TNS3: variants seen among roughly 807,000 people sequenced by gnomAD.
TNS3 encodes the protein tensin-3.
Under a neutral mutation model 140.9 loss-of-function variants are expected in TNS3, and 45 were observed. That is an observed-to-expected ratio of 0.32 (90% CI 0.25 to 0.41). The LOEUF (loss-of-function observed/expected upper bound fraction) is 0.41. Among genes scored for constraint, TNS3 ranks in the 10% least tolerant of loss-of-function variants. The probability of loss-of-function intolerance (pLI) is 1.00; values close to 1 mark genes in which losing one functional copy is unlikely to be tolerated. For missense variants in TNS3, 1,716 were observed against 1,906.7 expected, an observed-to-expected ratio of 0.90 and a Z score of 1.86; for synonymous variants, 815 against 788.4, an observed-to-expected ratio of 1.03 and a Z score of -0.56.
chr7:47,402,323 G>A (rs78615712), intron 13 of TNS3, among the ~76,000 whole-genome samples: 25 of 152,336 alleles, frequency 1.6e-4, no homozygotes, highest in Middle Eastern at 3.4e-3. Context: ...GCTGGCCAGC[G>A]GTGCTGTAAA....
intron 20 of TNS3, among the ~76,000 whole-genome samples, chr7:47,320,036 T>C (rs1341885413): frequency 1.3e-5 from 2 of 152,260 alleles, no homozygotes; most frequent in Non-Finnish European, 2.9e-5. Context: ...CAAAAAGATG[T>C]ACTCTCATTG....
intron 8 of TNS3, 132 bp downstream of exon 8, chr7:47,435,150 A>C (rs1795115021): frequency 1.6e-6 from 2 of 1,239,514 alleles, no homozygotes; most frequent in Admixed American, 5.8e-5. Flanking sequence ...GGAAAACCTA[A>C]AGACAAACCC....
At chr7:47,521,546 C>T (rs1798979952) in intron 2 of TNS3, among the ~76,000 whole-genome samples, 1 of 152,298 alleles carries the variant, frequency 6.6e-6, no homozygotes, top group East Asian at 1.9e-4. Context: ...AGTGAACATC[C>T]GGATGGCTGG....
At chr7:47,282,099 C>G (rs1335931448) in intron 28 of TNS3, among the ~76,000 whole-genome samples, 1 of 151,816 alleles carries the variant, frequency 6.6e-6, no homozygotes, top group Non-Finnish European at 1.5e-5. Context: ...GCCCCTGACA[C>G]TGACTCTGAG....
intron 10 of TNS3, among the ~76,000 whole-genome samples, chr7:47,418,142 A>G (rs1283891773): frequency 2.0e-5 from 3 of 152,204 alleles, no homozygotes; most frequent in East Asian, 1.9e-4. Flanking sequence ...TTAATTAATT[A>G]ATTTTAAAAA....
intron 1 of TNS3, among the ~76,000 whole-genome samples, chr7:47,572,195 C>T (rs1458732555): frequency 6.6e-6 from 1 of 152,182 alleles, no homozygotes; most frequent in East Asian, 1.9e-4. Flanking sequence ...GCCCGGCAGC[C>T]GAGGGACCAT....
At chr7:47,285,045 A>G (rs572784196) in intron 27 of TNS3, among the ~76,000 whole-genome samples, 3 of 152,046 alleles carry the variant, frequency 2.0e-5, no homozygotes, top group East Asian at 1.9e-4. Context: ...ATGTTGGTAG[A>G]CGTTCTGGCA....
chr7:47,535,519 T>A (rs1162852327), intron 1 of TNS3, among the ~76,000 whole-genome samples: 1 of 152,270 alleles, frequency 6.6e-6, no homozygotes. Context: ...CACCTGATAC[T>A]GTGCTTTCAT....
At chr7:47,546,746 G>C (rs1329497724) in intron 1 of TNS3, among the ~76,000 whole-genome samples, 1 of 152,114 alleles carries the variant, frequency 6.6e-6, no homozygotes, top group African/African-American at 2.4e-5. Flanking sequence ...AGCCATCACT[G>C]TCCACCCAGG....
At chr7:47,436,402 C>T (rs937133864) in intron 7 of TNS3, among the ~76,000 whole-genome samples, 1 of 151,986 alleles carries the variant, frequency 6.6e-6, no homozygotes, top group Non-Finnish European at 1.5e-5. Context: ...TTAAAATTAT[C>T]CCAAACTTTG....
chr7:47,303,647 C>T (rs1786561686), intron 21 of TNS3, 63 bp from the exon 22 acceptor site: 1 of 1,485,802 alleles, frequency 6.7e-7, no homozygotes, highest in Non-Finnish European at 8.9e-7. Context: ...TGAAGACCAG[C>T]AAGCGTCACC....
At chr7:47,535,062 G>A (rs1447459330) in intron 1 of TNS3, among the ~76,000 whole-genome samples, 3 of 152,222 alleles carry the variant, frequency 2.0e-5, no homozygotes, top group Non-Finnish European at 4.4e-5. Context: ...GCAGTTATTT[G>A]TTTATATGCC....
chr7:47,336,056 G>T (rs147984152), intron 20 of TNS3, among the ~76,000 whole-genome samples: 106 of 152,254 alleles, frequency 7.0e-4, no homozygotes, highest in African/African-American at 2.2e-3. Context: ...ACTTGAGCCT[G>T]GCAATGGGAC....
At chr7:47,373,239 G>A (rs1361652738) in intron 16 of TNS3, among the ~76,000 whole-genome samples, 1 of 152,194 alleles carries the variant, frequency 6.6e-6, no homozygotes, top group Non-Finnish European at 1.5e-5. Context: ...CATTTACTCT[G>A]TGTGTGTTCC....
intron 1 of TNS3, among the ~76,000 whole-genome samples, chr7:47,543,544 G>T (rs1799847204): frequency 6.6e-6 from 1 of 152,228 alleles, no homozygotes; most frequent in African/African-American, 2.4e-5. Context: ...AATGATCAAA[G>T]ATGCCATTTG....
At chr7:47,490,835 G>C (rs1467622473) in intron 3 of TNS3, among the ~76,000 whole-genome samples, 1 of 152,196 alleles carries the variant, frequency 6.6e-6, no homozygotes, top group Non-Finnish European at 1.5e-5. Context: ...AGTGTACAGG[G>C]GATTTGTTAG....
At chr7:47,323,784 T>C (rs1427307201) in intron 20 of TNS3, among the ~76,000 whole-genome samples, 1 of 152,178 alleles carries the variant, frequency 6.6e-6, no homozygotes, top group Admixed American at 6.5e-5. Context: ...AAGTTATGTA[T>C]ATACCAAGAG....
intron 1 of TNS3, among the ~76,000 whole-genome samples, chr7:47,530,838 A>AAAAAATATATATATATATATAT: frequency 1.8e-5 from 1 of 54,564 alleles, no homozygotes; most frequent in Non-Finnish European, 3.3e-5. Context: ...AAAAAAAAAA[A>AAAAAATATATATATATATATAT]ATATATATAT....
At chr7:47,536,960 T>C (rs1361733255) in intron 1 of TNS3, among the ~76,000 whole-genome samples, 1 of 152,046 alleles carries the variant, frequency 6.6e-6, no homozygotes, top group Middle Eastern at 3.4e-3. Flanking sequence ...GCAGCCCACG[T>C]GCGTGCAGCC....
Sources: gnomAD v4.1 joint callset for allele counts (sites outside exome capture counted in the v4.1 genomes callset) on GRCh38, gnomAD v4.1.1 for gene constraint, MANE v1.5 for transcripts, NCBI Gene and HGNC (gene_info 2026-07-23, HGNC 2026-07-21) for gene names.